The following ABRAXAS1 variants were observed in gnomAD, a reference collection of about 807,000 sequenced individuals.
ABRAXAS1 encodes the protein abraxas 1, BRCA1 A complex subunit.
In ABRAXAS1, 26 loss-of-function variants were observed where a neutral mutation model predicts 38.4. The ratio of observed to expected loss-of-function variants is 0.68; its 90% CI spans 0.50 to 0.94. ABRAXAS1 has a LOEUF of 0.94. Among genes scored for constraint, ABRAXAS1 ranks in the 40% least tolerant of loss-of-function variants. The probability of loss-of-function intolerance (pLI) is 0.00; values close to 1 mark genes in which losing one functional copy is unlikely to be tolerated. For synonymous variants in ABRAXAS1, 144 were observed against 165.5 expected (o/e 0.87, Z 1.00); for missense variants, 438 against 481.9 (o/e 0.91, Z 0.85).
intron 8 of ABRAXAS1, among the ~76,000 whole-genome samples, 199 bp from the exon 9 acceptor site, chr4:83,463,101 C>T (rs1043855103): frequency 2.0e-5 from 3 of 152,154 alleles, no homozygotes; most frequent in Admixed American, 6.5e-5. Flanking sequence ...TCTTTCATGT[C>T]AGCAATATAG....
Position 83,462,807 on chromosome 4 carries a change from C to A in ABRAXAS1, c.892G>T (p.Val298Phe). The A allele has an allele frequency of 6.2e-7, 1 of 1,612,882 alleles. No homozygotes were observed. Among genetic ancestry groups the A allele is most frequent in the Non-Finnish European group, 8.5e-7 (1 of 1,179,594 alleles). Residue 298 changes from valine (V) to phenylalanine (F), a missense_variant, in exon 9 of 9, where the codon GTT becomes TTT. By Grantham distance (50) the Val-to-Phe change is conservative (BLOSUM62 -1). Transcript: ENST00000321945. ...FPNSEFLHSC[V>F]MSLKNRHVSK... ...ACATGTCTATTTTTTAAAGACATAA[C>A]ACATGAATGAAGAAATTCAGAATTT...
chr4:83,463,351 T>G (rs1397596087), intron 8 of ABRAXAS1, 143 bp downstream of exon 8: 6 of 511,078 alleles, frequency 1.2e-5, no homozygotes, highest in African/African-American at 2.0e-5. Flanking sequence ...GAGAATCGCT[T>G]GACCCCAGGA....
rs1453713620 is a variant in ABRAXAS1 at position 83,469,042 on chromosome 4, G to A, written c.586C>T (p.Gln196Ter). 9 of 1,612,780 alleles carry A rather than the reference G, an allele frequency of 5.6e-6. No homozygotes were observed. The highest frequency in any genetic ancestry group is 6.8e-6 in the Non-Finnish European group (8 of 1,179,952). ...CMSTGFSRAV[Q>*]THSSKFFEED... Reference sequence around the variant, plus strand: ...GCAGTTGAATCTTACCTGTGTGTTTGTACTGCTCGGCTAAAACCAGTGGAC... The same window carrying A: ...GCAGTTGAATCTTACCTGTGTGTTTATACTGCTCGGCTAAAACCAGTGGAC... Residue 196 changes from glutamine (Q) to a stop codon, truncating the protein, a stop_gained, in exon 6 of 9, where the codon CAA (glutamine) becomes TAA (stop). Transcript: ENST00000321945. LOFTEE classifies it high-confidence loss of function.
At position 83,484,088 on chromosome 4, in the gene ABRAXAS1, G is replaced by C. The variant is rs1461976931; in HGVS notation, c.87+898C>G. On this transcript the variant is annotated intron_variant, in intron 1 of 8. Transcript: ENST00000321945. ...TCACTACGTTGTCCCCGATGGTCTCGAACTCGTGGGCTCAGGTGATTCACC... is the reference window on the plus strand; with the variant it reads ...TCACTACGTTGTCCCCGATGGTCTCCAACTCGTGGGCTCAGGTGATTCACC... 6.4e-6 allele frequency: 6 copies of C among 943,246 alleles called. No individual in the cohort carries two copies. The African/African-American group carries it at 7.1e-5, about 11-fold the overall frequency. 58.4% of individuals were successfully genotyped at this position (943,246 alleles called of 1,614,324 possible).
intron 1 of ABRAXAS1, 115 bp from the exon 2 acceptor site, chr4:83,482,359 C>T: frequency 1.8e-6 from 1 of 548,020 alleles, no homozygotes; most frequent in Non-Finnish European, 3.2e-6. Context: ...CAGTCGGGGG[C>T]ACATATGAAA....
intron 3 of ABRAXAS1, among the ~76,000 whole-genome samples, chr4:83,472,537 G>A (rs891843408): frequency 6.6e-6 from 1 of 151,682 alleles, no homozygotes; most frequent in Admixed American, 6.6e-5. Context: ...TTTGGGAATC[G>A]TTTTTTTTGA....
intron 7 of ABRAXAS1, among the ~76,000 whole-genome samples, chr4:83,464,690 A>G (rs3941194): frequency 0.024 from 3,646 of 152,232 alleles, 138 homozygotes; most frequent in African/African-American, 0.083. Context: ...AACAGAACCA[A>G]TGAGATTCTT....
At position 83,470,212 on chromosome 4, in the gene ABRAXAS1, G is replaced by A. The variant is rs1722527633; in HGVS notation, c.467C>T (p.Pro156Leu). 6.2e-7 allele frequency: 1 copy of A among 1,609,704 alleles called. No individual in the cohort carries two copies. The highest frequency in any genetic ancestry group is 2.2e-5 in the East Asian group (1 of 44,776). ...THRLEHSLYK[P>L]QKGLFHRVPL... Reference sequence around the variant, plus strand: ...ACTGGCCAACATTTACCCTTTTTGAGGTTTATATAAGGAATGTTCCAGTCG... The same window carrying A: ...ACTGGCCAACATTTACCCTTTTTGAAGTTTATATAAGGAATGTTCCAGTCG... Residue 156 changes from proline (P) to leucine (L), a missense_variant, in exon 5 of 9, where the codon CCT becomes CTT. Coordinates refer to ENST00000321945, the MANE Select transcript of ABRAXAS1 (RefSeq NM_139076.3).
In ABRAXAS1 at chr4:83,462,687, CT is replaced by C. The variant is rs764429803; in HGVS notation, c.1011del (p.Ala338LeufsTer12). The C allele has an allele frequency of 6.0e-5, 97 of 1,613,754 alleles. No individual in the cohort carries two copies. The African/African-American group carries it at 1.2e-3, about 20-fold the overall frequency. On this transcript the variant is annotated frameshift_variant, in exon 9 of 9. Coordinates refer to ENST00000321945, the MANE Select transcript of ABRAXAS1 (RefSeq NM_139076.3). LOFTEE classifies it low-confidence loss of function (END_TRUNC). Reference sequence around the variant, plus strand: ...TGCTTAATGATTTGTGGTGTACTAGCTGGACTAGCTTCAGGAATGTCAGTGT... The same window carrying C: ...TGCTTAATGATTTGTGGTGTACTAGCGGACTAGCTTCAGGAATGTCAGTGT... ...VEHTDIPEAS[P>X]ASTPQIIKHK...
chr4:83,468,716 C>G (rs1297543289), intron 6 of ABRAXAS1, among the ~76,000 whole-genome samples: 1 of 151,826 alleles, frequency 6.6e-6, no homozygotes, highest in African/African-American at 2.4e-5. Flanking sequence ...TTTAAATTTT[C>G]TTTTGTAGAG....
At position 83,469,136 on chromosome 4, in the gene ABRAXAS1, T is replaced by C. The variant is rs747767327; in HGVS notation, c.492A>G (p.Val164=). 2.5e-5 allele frequency: 40 copies of C among 1,613,690 alleles called. No individual in the cohort carries two copies. Among genetic ancestry groups the C allele is most frequent in the Non-Finnish European group, 3.3e-5 (39 of 1,179,780 alleles). ...TGCCCAGATTGGCAACCACTAAAGG[T>C]ACCCTGTGAAAAAGTCTGACAAAAT... ...YKPQKGLFHR[V]PLVVANLGMS... Residue 164 remains valine, a synonymous_variant, in exon 6 of 9, where the codon GTA becomes GTG. Transcript: ENST00000321945.
chr4:83,478,874 T>C (rs1031422123), intron 2 of ABRAXAS1: 1 of 152,378 alleles, frequency 6.6e-6, no homozygotes, highest in Non-Finnish European at 1.5e-5. Flanking sequence ...GTATAAAACA[T>C]GACAAAAGCC....
rs542186014 is a variant in ABRAXAS1 at position 83,472,565 on chromosome 4, A to G, written c.216-277T>C. On this transcript the variant is annotated intron_variant, in intron 3 of 8. Transcript: ENST00000321945. ...TTTTTTGAACCTAAAACAGTAAACT[A>G]TCCATGAAATACAGGTATTAAAATG... 4.0e-4 allele frequency among the ~76,000 whole-genome samples: 61 copies of G among 152,348 alleles called. No individual in the cohort carries two copies. Among genetic ancestry groups the G allele is most frequent in the Non-Finnish European group, 7.8e-4 (53 of 68,032 alleles).
chr4:83,480,942 C>T (rs1722981596), intron 2 of ABRAXAS1, among the ~76,000 whole-genome samples: 1 of 152,032 alleles, frequency 6.6e-6, no homozygotes, highest in South Asian at 2.1e-4. Flanking sequence ...GCAAGCCTCG[C>T]CAACATAATG....
chr4:83,476,700 GT>G, intron 2 of ABRAXAS1, 21 bp from the exon 3 acceptor site: 1 of 1,486,420 alleles, frequency 6.7e-7, no homozygotes, highest in East Asian at 2.3e-5. Context: ...AGGATTTTTA[GT>G]TATGATTACA....
chr4:83,477,678 T>A (rs1722829703), intron 2 of ABRAXAS1: 2 of 569,140 alleles, frequency 3.5e-6, no homozygotes, highest in Non-Finnish European at 6.9e-6. Flanking sequence ...AGCATTGATG[T>A]CCGTTTCAAA....
intron 6 of ABRAXAS1, 43 bp from the exon 7 acceptor site, chr4:83,467,581 TTTTAATG>T (rs1304534142): frequency 2.1e-6 from 2 of 958,338 alleles, no homozygotes; most frequent in Non-Finnish European, 3.3e-6. Flanking sequence ...CACAAAACCA[TTTTAATG>T]ATAAGGTGAA....
chr4:83,468,433 G>A (rs1277684865), intron 6 of ABRAXAS1, among the ~76,000 whole-genome samples: 1 of 151,846 alleles, frequency 6.6e-6, no homozygotes, highest in Non-Finnish European at 1.5e-5. Flanking sequence ...TATTCTCAAA[G>A]TTTACACTCT....
intron 3 of ABRAXAS1, among the ~76,000 whole-genome samples, chr4:83,473,717 T>G (rs1290459225): frequency 1.3e-5 from 2 of 151,914 alleles, no homozygotes; most frequent in African/African-American, 2.4e-5. Context: ...AGTTTCGCCA[T>G]GTTACCAGGC....
Sources: allele counts gnomAD v4.1 joint callset (sites outside exome capture counted in the v4.1 genomes callset), GRCh38; gene constraint gnomAD v4.1.1; transcripts MANE v1.5; gene names NCBI Gene and HGNC (gene_info 2026-07-23, HGNC 2026-07-21).